Variants in UNC5B observed in about 807,000 individuals in gnomAD.
UNC5B encodes the protein netrin receptor UNC5B.
UNC5B carries 56 observed loss-of-function variants against 103.7 expected under a neutral mutation model. That is an observed-to-expected ratio of 0.54 (90% confidence interval 0.44 to 0.67). The LOEUF (loss-of-function observed/expected upper bound fraction) is 0.67. Ranked by LOEUF, UNC5B falls within the 30% of genes least tolerant of loss-of-function variation. UNC5B has a pLI of 0.00. For synonymous variants in UNC5B, 577 were observed against 542.0 expected (o/e 1.06, Z -0.90); for missense variants, 1,194 against 1,284.5 (o/e 0.93, Z 1.08).
intron 1 of UNC5B, among the ~76,000 whole-genome samples, chr10:71,259,774 G>A (rs528432701): frequency 1.6e-4 from 24 of 152,252 alleles, no homozygotes; most frequent in Non-Finnish European, 3.2e-4. Context: ...TGTGGAGTTC[G>A]GTAGCTCAGC....
intron 8 of UNC5B, among the ~76,000 whole-genome samples, chr10:71,289,323 C>G (rs1165305856): frequency 6.6e-6 from 1 of 152,208 alleles, no homozygotes; most frequent in African/African-American, 2.4e-5. Flanking sequence ...ATTTTTATAG[C>G]CAAAGCTGTT....
chr10:71,253,111 A>T (rs1844210161), intron 1 of UNC5B, among the ~76,000 whole-genome samples: 1 of 151,908 alleles, frequency 6.6e-6, no homozygotes, highest in Non-Finnish European at 1.5e-5. Flanking sequence ...CCTCATTTCC[A>T]CACTTCACCT....
intron 1 of UNC5B, among the ~76,000 whole-genome samples, chr10:71,261,243 G>A (rs1343465369): frequency 6.6e-6 from 1 of 152,234 alleles, no homozygotes; most frequent in Non-Finnish European, 1.5e-5. Flanking sequence ...ATGAGATGGG[G>A]AGGGGGTGGA....
chr10:71,294,066 C>T lies in UNC5B; in HGVS notation c.2175+133C>T, dbSNP rs150396936. On this transcript the variant is annotated intron_variant, in intron 13 of 16. Coordinates refer to ENST00000335350, the MANE Select transcript of UNC5B (RefSeq NM_170744.5). Reference sequence around the variant, plus strand: ...CACCAGCATTATTAGGTCCCGCTTGCGACCCTCACACACTGAAACAGCCTT... The same window carrying T: ...CACCAGCATTATTAGGTCCCGCTTGTGACCCTCACACACTGAAACAGCCTT... 784 of 836,710 alleles carry T rather than the reference C, an allele frequency of 9.4e-4. 10 individuals are homozygous for T. The African/African-American group carries it at 0.011, about 12-fold the overall frequency. 51.8% of individuals were successfully genotyped at this position (836,710 alleles called of 1,614,324 possible).
chr10:71,277,795 T>C (rs1844807222), intron 1 of UNC5B, among the ~76,000 whole-genome samples: 1 of 152,238 alleles, frequency 6.6e-6, no homozygotes, highest in South Asian at 2.1e-4. Context: ...CCGGGTGGCC[T>C]CGGGCAAGTC....
intron 1 of UNC5B, among the ~76,000 whole-genome samples, chr10:71,215,294 C>T (rs749209935): frequency 1.4e-4 from 22 of 152,316 alleles, no homozygotes; most frequent in Non-Finnish European, 2.8e-4. Context: ...TGTCCAATAG[C>T]CAGACTGATT....
chr10:71,278,268 T>A (rs1464978309), intron 1 of UNC5B, among the ~76,000 whole-genome samples: 1 of 152,216 alleles, frequency 6.6e-6, no homozygotes, highest in Admixed American at 6.5e-5. Flanking sequence ...ACCTACTGTG[T>A]GCCAGGCACC....
chr10:71,215,866 C>T (rs1323789407), intron 1 of UNC5B, among the ~76,000 whole-genome samples: 4 of 151,930 alleles, frequency 2.6e-5, no homozygotes, highest in Non-Finnish European at 1.5e-5. Flanking sequence ...CGCCTGTGCA[C>T]ACACAATGAT....
At chr10:71,241,101 C>T (rs1843887860) in intron 1 of UNC5B, among the ~76,000 whole-genome samples, 1 of 152,232 alleles carries the variant, frequency 6.6e-6, no homozygotes, top group Non-Finnish European at 1.5e-5. Flanking sequence ...TTCAAAGCCT[C>T]CTTAGGCAAG....
At chr10:71,283,114 C>T (rs989285968) in intron 2 of UNC5B, among the ~76,000 whole-genome samples, 18 of 141,464 alleles carry the variant, frequency 1.3e-4, no homozygotes, top group African/African-American at 4.6e-4. Context: ...AGCGAGACTC[C>T]GTCTCAAAAA....
At chr10:71,272,277 A>ACCTCCCGCCTGACTCCTCC (rs1450620510) in intron 1 of UNC5B, among the ~76,000 whole-genome samples, 1 of 151,310 alleles carries the variant, frequency 6.6e-6, no homozygotes, top group East Asian at 2.0e-4. Context: ...CTCTGTCCTC[A>ACCTCCCGCCTGACTCCTCC]CCTCCCGCCT....
At chr10:71,249,624 C>T (rs1372869748) in intron 1 of UNC5B, among the ~76,000 whole-genome samples, 1 of 152,152 alleles carries the variant, frequency 6.6e-6, no homozygotes, top group Non-Finnish European at 1.5e-5. Flanking sequence ...CCAGGAGAGT[C>T]CCCTGGCATG....
intron 1 of UNC5B, among the ~76,000 whole-genome samples, chr10:71,249,604 A>C (rs1844127303): frequency 6.6e-6 from 1 of 151,990 alleles, no homozygotes; most frequent in Non-Finnish European, 1.5e-5. Flanking sequence ...TCCAGCTGTC[A>C]TTTCTAACTC....
At chr10:71,230,647 G>A (rs1434655775) in intron 1 of UNC5B, among the ~76,000 whole-genome samples, 1 of 152,232 alleles carries the variant, frequency 6.6e-6, no homozygotes, top group Non-Finnish European at 1.5e-5. Flanking sequence ...ACTCACCATG[G>A]GTGGACAGCT....
intron 1 of UNC5B, among the ~76,000 whole-genome samples, chr10:71,231,560 G>A (rs1843683915): frequency 1.3e-5 from 2 of 152,176 alleles, no homozygotes; most frequent in Non-Finnish European, 1.5e-5. Flanking sequence ...TACCCTAAAT[G>A]CTCAGAACGG....
chr10:71,245,379 A>T (rs1844006150), intron 1 of UNC5B, among the ~76,000 whole-genome samples: 3 of 152,146 alleles, frequency 2.0e-5, no homozygotes, highest in Admixed American at 2.0e-4. Context: ...GCTCTGTCTT[A>T]TTGATGGGGT....
intron 1 of UNC5B, among the ~76,000 whole-genome samples, chr10:71,241,761 A>G (rs1843907027): frequency 6.6e-6 from 1 of 152,090 alleles, no homozygotes; most frequent in Non-Finnish European, 1.5e-5. Context: ...GTGGAGGCCC[A>G]GTGCTTCTAA....
chr10:71,296,231 G>A (rs1845408527), intron 14 of UNC5B, among the ~76,000 whole-genome samples: 1 of 152,180 alleles, frequency 6.6e-6, no homozygotes, highest in Admixed American at 6.5e-5. Flanking sequence ...TCCTCACAGA[G>A]GCTCCTCACC....
intron 1 of UNC5B, among the ~76,000 whole-genome samples, chr10:71,272,877 C>CTGTTTGTG (rs1844679879): frequency 6.6e-6 from 1 of 150,452 alleles, no homozygotes. Context: ...CATGCACTGC[C>CTGTTTGTG]TGTTTGTTTG....
Sources: gnomAD v4.1 joint callset for allele counts (sites outside exome capture counted in the v4.1 genomes callset) on GRCh38, gnomAD v4.1.1 for gene constraint, MANE v1.5 for transcripts, NCBI Gene and HGNC (gene_info 2026-07-23, HGNC 2026-07-21) for gene names.